Variants in CHST3 observed in about 807,000 individuals in gnomAD.
CHST3 encodes carbohydrate sulfotransferase 3.
Under a neutral mutation model 35.4 loss-of-function variants are expected in CHST3, and 20 were observed. That is an observed-to-expected ratio of 0.57 (90% CI 0.40 to 0.82). The LOEUF is 0.82. CHST3 is among the 40% of genes least tolerant of loss of function. CHST3 has a pLI of 0.00. For missense variants in CHST3, 693 were observed against 670.1 expected, an observed-to-expected ratio of 1.03 and a Z score of -0.38; for synonymous variants, 334 against 295.9, an observed-to-expected ratio of 1.13 and a Z score of -1.32.
chr10:72,006,058 T>C (rs778917502), intron 2 of CHST3, 76 bp downstream of exon 2: 2 of 1,557,500 alleles, frequency 1.3e-6, no homozygotes, highest in Non-Finnish European at 1.8e-6. Flanking sequence ...ACTGCAGGGC[T>C]CTCTGTGGAC....
At chr10:71,992,921 C>T (rs755058418) in intron 1 of CHST3, among the ~76,000 whole-genome samples, 2 of 152,168 alleles carry the variant, frequency 1.3e-5, no homozygotes, top group African/African-American at 4.8e-5. Context: ...CCCGGCCCCC[C>T]AAAGTGTGGG....
At chr10:71,996,045 A>G (rs1839935297) in intron 1 of CHST3, among the ~76,000 whole-genome samples, 2 of 152,336 alleles carry the variant, frequency 1.3e-5, no homozygotes, top group Middle Eastern at 3.4e-3. Context: ...ATTCACAAAA[A>G]CATATAAAGG....
chr10:71,986,001 T>G (rs1304976622), intron 1 of CHST3, among the ~76,000 whole-genome samples: 2 of 152,252 alleles, frequency 1.3e-5, no homozygotes, highest in Non-Finnish European at 2.9e-5. Context: ...ATTGGCTGTT[T>G]TCACTCAGCA....
At chr10:72,002,550 T>C (rs1215359920) in intron 1 of CHST3, among the ~76,000 whole-genome samples, 1 of 152,026 alleles carries the variant, frequency 6.6e-6, no homozygotes, top group Non-Finnish European at 1.5e-5. Context: ...CCCAGAGAGG[T>C]TGTCACTTAT....
chr10:71,972,096 C>T (rs192151221), intron 1 of CHST3, among the ~76,000 whole-genome samples: 67 of 152,220 alleles, frequency 4.4e-4, no homozygotes, highest in South Asian at 1.5e-3. Context: ...GCGTCCTCAC[C>T]GAGTTCTCAC....
Position 72,007,889 on chromosome 10 carries a change from G to A in CHST3, c.858G>A (p.Leu286=). ...RIRQLEFLQP[L]AEDPRLDLRV... ...GGCAGCTGGAGTTCCTGCAGCCGCT[G>A]GCCGAGGACCCCCGCCTGGACCTGC... Residue 286 remains leucine, a synonymous_variant, in exon 3 of 3, where the codon CTG becomes CTA. Coordinates refer to ENST00000373115, the MANE Select transcript of CHST3 (RefSeq NM_004273.5). 1 of 1,584,886 alleles carries A rather than the reference G, an allele frequency of 6.3e-7. No homozygotes were observed. Among genetic ancestry groups the A allele is most frequent in the Non-Finnish European group, 8.6e-7 (1 of 1,166,408 alleles).
At position 72,009,801 on chromosome 10, in the gene CHST3, T is replaced by G. The variant is rs1436431462; in HGVS notation, c.*1330T>G. ...ATGTGCTGGGTGTTTTGTTTCGGGC[T>G]TTTATTTATGGCTTGGTGTCTTTCT... On this transcript the variant is annotated 3_prime_UTR_variant, in exon 3 of 3. Coordinates refer to ENST00000373115, the MANE Select transcript of CHST3 (RefSeq NM_004273.5). The G allele has an allele frequency of 6.5e-6, 1 of 152,960 alleles. No individual in the cohort carries two copies. The allele number at this position is 152,960 out of a possible 1,614,324, so 9.5% of individuals were successfully genotyped here.
intron 1 of CHST3, among the ~76,000 whole-genome samples, chr10:71,999,930 T>G (rs547871872): frequency 1.8e-4 from 27 of 152,224 alleles, no homozygotes; most frequent in Non-Finnish European, 3.2e-4. Flanking sequence ...TAGGCTGTTT[T>G]CTGCCCTCCC....
At chr10:72,005,566 A>G (rs1840030093) in intron 1 of CHST3, among the ~76,000 whole-genome samples, 170 bp from the exon 2 acceptor site, 1 of 152,330 alleles carries the variant, frequency 6.6e-6, no homozygotes, top group Non-Finnish European at 1.5e-5. Flanking sequence ...AGCATTTTAA[A>G]TGACCTATTA....
At chr10:71,987,616 T>C (rs1330452002) in intron 1 of CHST3, among the ~76,000 whole-genome samples, 1 of 148,334 alleles carries the variant, frequency 6.7e-6, no homozygotes, top group Non-Finnish European at 1.5e-5. Flanking sequence ...CTCGGGAGGC[T>C]GAGGCAGGAG....
chr10:71,973,931 T>A (rs529666680), intron 1 of CHST3, among the ~76,000 whole-genome samples: 1 of 152,254 alleles, frequency 6.6e-6, no homozygotes, highest in South Asian at 2.1e-4. Flanking sequence ...AGGATGGAGT[T>A]GTGGTTACGC....
intron 1 of CHST3, among the ~76,000 whole-genome samples, chr10:72,000,551 T>C (rs1839983307): frequency 6.6e-6 from 1 of 151,556 alleles, no homozygotes; most frequent in Admixed American, 6.6e-5. Flanking sequence ...CGGGCAGAGG[T>C]ACCAGCTGAT....
At chr10:71,974,746 A>G (rs1554815565) in intron 1 of CHST3, among the ~76,000 whole-genome samples, 1 of 152,128 alleles carries the variant, frequency 6.6e-6, no homozygotes, top group Non-Finnish European at 1.5e-5. Flanking sequence ...CAGTGCCCCA[A>G]GTCCTGCAAG....
At chr10:71,984,843 C>T (rs1363573122) in intron 1 of CHST3, among the ~76,000 whole-genome samples, 1 of 152,216 alleles carries the variant, frequency 6.6e-6, no homozygotes, top group East Asian at 1.9e-4. Flanking sequence ...TGTGTCTTTT[C>T]CTTCCTGTTC....
chr10:71,965,319 C>CA (rs981735493), intron 1 of CHST3, among the ~76,000 whole-genome samples: 2 of 152,212 alleles, frequency 1.3e-5, no homozygotes. Context: ...TTCATAAACT[C>CA]AGAGCCGGCG....
rs781407815 is a variant in CHST3, at chr10:72,008,114, G to T, written c.1083G>T (p.Trp361Cys). 16 of 1,547,284 alleles carry T rather than the reference G, an allele frequency of 1.0e-5. No individual in the cohort carries two copies. The highest frequency in any genetic ancestry group is 1.4e-5 in the Non-Finnish European group (16 of 1,145,818). The change falls in exon 3 of 3, where the codon TGG (tryptophan) becomes TGT (cysteine). Residue 361 changes from tryptophan (W) to cysteine (C), a missense_variant. By Grantham distance (215) the Trp-to-Cys change is radical. Coordinates refer to ENST00000373115, the MANE Select transcript of CHST3 (RefSeq NM_004273.5). ...SAELGLRQPA[W>C]LRGRYMLVRY... Reference sequence around the variant, plus strand: ...AGCTGGGGCTGCGGCAGCCCGCCTGGCTGCGGGGCCGCTACATGCTGGTGC... The same window carrying T: ...AGCTGGGGCTGCGGCAGCCCGCCTGTCTGCGGGGCCGCTACATGCTGGTGC...
intron 1 of CHST3, among the ~76,000 whole-genome samples, chr10:71,970,622 C>T (rs1216080058): frequency 6.6e-6 from 1 of 152,156 alleles, no homozygotes; most frequent in African/African-American, 2.4e-5. Flanking sequence ...GGAGAGAAGA[C>T]GGCCGGGGGT....
In CHST3 at chr10:71,994,248, G is replaced by C. The variant is rs973169819; in HGVS notation, c.-107-11488G>C. On this transcript the variant is annotated intron_variant, in intron 1 of 2. Coordinates refer to ENST00000373115, the MANE Select transcript of CHST3 (RefSeq NM_004273.5). ...CTACTGCATTCCAGCCTGGGTGACA[G>C]AGTAAGAAAACCCTGTCTCAAAAAA... 5.3e-5 allele frequency among the ~76,000 whole-genome samples: 8 copies of C among 150,454 alleles called. No homozygotes were observed. In the East Asian group the frequency reaches 1.6e-3, roughly 29 times the overall value.
At chr10:71,967,969 T>C (rs7894517) in intron 1 of CHST3, among the ~76,000 whole-genome samples, 83,100 of 147,560 alleles carry the variant, frequency 0.56, 24,416 homozygotes, top group East Asian at 0.77. Context: ...CCACCATGCG[T>C]GGCTAATTTT....
Sources: gnomAD v4.1 joint callset for allele counts (sites outside exome capture counted in the v4.1 genomes callset) on GRCh38, gnomAD v4.1.1 for gene constraint, MANE v1.5 for transcripts, NCBI Gene and HGNC (gene_info 2026-07-23, HGNC 2026-07-21) for gene names.